Variants in ANKS1B observed in about 807,000 individuals in gnomAD.
ANKS1B encodes ankyrin repeat and sterile alpha motif domain-containing protein 1B.
In ANKS1B, 36 loss-of-function variants were observed where a neutral mutation model predicts 148.3. That is an observed-to-expected ratio of 0.24 (90% CI 0.19 to 0.32). The LOEUF is 0.32. Among genes scored for constraint, ANKS1B ranks in the 10% least tolerant of loss-of-function variants. ANKS1B has a pLI of 1.00. For synonymous variants in ANKS1B, 542 were observed against 560.8 expected (o/e 0.97, Z 0.47); for missense variants, 1,157 against 1,542.6 (o/e 0.75, Z 4.19).
intron 12 of ANKS1B, among the ~76,000 whole-genome samples, chr12:99,285,506 G>T (rs932373807): frequency 6.6e-6 from 1 of 152,282 alleles, no homozygotes; most frequent in South Asian, 2.1e-4. Flanking sequence ...GTCTAGAGAA[G>T]GTGAAGCAAA....
chr12:99,896,643 C>G lies in ANKS1B; in HGVS notation c.135-71254G>C, dbSNP rs773777117. ...CAAGACTATTCCTGCTGGATCACAC[C>G]TCATCCTTTCCCTAGCTCCCAACAA... On this transcript the variant is annotated intron_variant, in intron 1 of 26. Transcript: ENST00000683438. 3.3e-4 allele frequency among the ~76,000 whole-genome samples: 50 copies of G among 151,250 alleles called. 4 individuals are homozygous for G. Among genetic ancestry groups the G allele is most frequent in the Admixed American group, 4.0e-4 (6 of 15,124 alleles).
intron 12 of ANKS1B, among the ~76,000 whole-genome samples, chr12:99,323,464 T>C (rs966948153): frequency 6.6e-6 from 1 of 152,196 alleles, no homozygotes; most frequent in Non-Finnish European, 1.5e-5. Flanking sequence ...TGGCATCATT[T>C]CTTCTCAACC....
chr12:99,858,147 A>G (rs2089477186), intron 1 of ANKS1B, among the ~76,000 whole-genome samples: 1 of 152,180 alleles, frequency 6.6e-6, no homozygotes, highest in South Asian at 2.1e-4. Context: ...CCAACAAAGG[A>G]CCAATATCCA....
chr12:99,302,773 T>C (rs1602606913), intron 12 of ANKS1B, among the ~76,000 whole-genome samples: 1 of 152,190 alleles, frequency 6.6e-6, no homozygotes, highest in African/African-American at 2.4e-5. Flanking sequence ...TCCTCTCTTA[T>C]GCAAGTATAA....
At chr12:99,121,017 C>G (rs554077042) in intron 15 of ANKS1B, among the ~76,000 whole-genome samples, 1 of 151,790 alleles carries the variant, frequency 6.6e-6, no homozygotes, top group Non-Finnish European at 1.5e-5. Flanking sequence ...TTAAAGGGAT[C>G]TGATAGGAGA....
intron 9 of ANKS1B, among the ~76,000 whole-genome samples, chr12:99,571,730 A>G (rs2097457804): frequency 6.6e-6 from 1 of 152,128 alleles, no homozygotes; most frequent in Admixed American, 6.5e-5. Context: ...GCTCTAAGGG[A>G]TTTCTATAGC....
At chr12:99,253,389 C>T (rs2074878977) in intron 12 of ANKS1B, among the ~76,000 whole-genome samples, 1 of 152,114 alleles carries the variant, frequency 6.6e-6, no homozygotes, top group South Asian at 2.1e-4. Context: ...GGAAGCCTTC[C>T]TGAATCAAGC....
intron 12 of ANKS1B, among the ~76,000 whole-genome samples, chr12:99,341,958 T>C (rs2089991252): frequency 6.6e-6 from 1 of 152,118 alleles, no homozygotes; most frequent in Admixed American, 6.6e-5. Flanking sequence ...CAATAATTCT[T>C]TCTAATTCAG....
At chr12:98,895,235 C>G in intron 17 of ANKS1B, 1 of 985,734 alleles carries the variant, frequency 1.0e-6, no homozygotes. Context: ...CGGGGGCCTC[C>G]TCCTGGCTCC....
At chr12:99,823,938 T>C (rs1250251541) in intron 2 of ANKS1B, among the ~76,000 whole-genome samples, 1 of 152,202 alleles carries the variant, frequency 6.6e-6, no homozygotes. Context: ...AACCTGTTTA[T>C]TGGTCTATGT....
intron 12 of ANKS1B, among the ~76,000 whole-genome samples, chr12:99,266,547 C>T (rs1004634313): frequency 9.2e-5 from 14 of 152,096 alleles, no homozygotes; most frequent in Non-Finnish European, 1.8e-4. Context: ...GTGCTCTTAC[C>T]GGCTATGCTG....
intron 8 of ANKS1B, chr12:99,706,477 C>G (rs1402358828): frequency 3.3e-5 from 5 of 151,932 alleles, no homozygotes; most frequent in Admixed American, 3.3e-4. Context: ...TTTGTAAGCT[C>G]AAACATTAAG....
intron 9 of ANKS1B, among the ~76,000 whole-genome samples, chr12:99,641,671 A>G (rs1331751806): frequency 6.6e-6 from 1 of 152,182 alleles, no homozygotes; most frequent in Non-Finnish European, 1.5e-5. Flanking sequence ...CCACTCCGTA[A>G]GCATAATACA....
At chr12:99,238,696 G>A (rs140900204) in intron 14 of ANKS1B, among the ~76,000 whole-genome samples, 25 of 152,234 alleles carry the variant, frequency 1.6e-4, no homozygotes, top group African/African-American at 5.8e-4. Context: ...GCTCCTCTGG[G>A]ACAAAGCTTC....
chr12:98,798,679 C>T (rs1323410965), intron 22 of ANKS1B, among the ~76,000 whole-genome samples: 1 of 152,034 alleles, frequency 6.6e-6, no homozygotes, highest in Non-Finnish European at 1.5e-5. Context: ...GAAAATGATA[C>T]AATTAATTTT....
chr12:99,739,706 C>T (rs1388152533), intron 8 of ANKS1B, among the ~76,000 whole-genome samples: 1 of 152,072 alleles, frequency 6.6e-6, no homozygotes, highest in Non-Finnish European at 1.5e-5. Flanking sequence ...ATCACTGTTC[C>T]ACCTCAAGCG....
At chr12:99,775,719 A>C in intron 6 of ANKS1B, 58 bp from the exon 7 acceptor site, 7 of 1,022,004 alleles carry the variant, frequency 6.8e-6, no homozygotes, top group Non-Finnish European at 8.4e-6. Context: ...AAAATCAATA[A>C]ATTTTAAGTT....
chr12:99,240,258 G>A (rs538668287), intron 14 of ANKS1B, among the ~76,000 whole-genome samples: 1 of 152,250 alleles, frequency 6.6e-6, no homozygotes, highest in South Asian at 2.1e-4. Context: ...AGCACGGATT[G>A]CAATCCTAGT....
At chr12:99,127,980 T>C (rs2064910711) in intron 15 of ANKS1B, among the ~76,000 whole-genome samples, 1 of 152,180 alleles carries the variant, frequency 6.6e-6, no homozygotes, top group Non-Finnish European at 1.5e-5. Flanking sequence ...AAAACGAACA[T>C]CACCTACACA....
Sources: gnomAD v4.1 joint callset for allele counts (sites outside exome capture counted in the v4.1 genomes callset) on GRCh38, gnomAD v4.1.1 for gene constraint, MANE v1.5 for transcripts, NCBI Gene and HGNC (gene_info 2026-07-23, HGNC 2026-07-21) for gene names.